DENND4C: variants seen among roughly 807,000 people sequenced by gnomAD.
The protein encoded by DENND4C is DENN domain containing 4C.
Under a neutral mutation model 203.0 loss-of-function variants are expected in DENND4C, and 108 were observed. The observed-to-expected ratio is 0.53, with a 90% CI of 0.46 to 0.62. The LOEUF (loss-of-function observed/expected upper bound fraction) is 0.62. DENND4C is among the 20% of genes least tolerant of loss of function. The pLI, the probability that DENND4C is intolerant of heterozygous loss-of-function variation, is 0.00. For missense variants in DENND4C, 2,481 were observed against 2,301.2 expected (o/e 1.08, Z -1.60); for synonymous variants, 871 against 792.4 (o/e 1.10, Z -1.67).
intron 1 of DENND4C, among the ~76,000 whole-genome samples, chr9:19,268,448 T>G (rs1830958190): frequency 6.6e-6 from 1 of 152,198 alleles, no homozygotes; most frequent in Non-Finnish European, 1.5e-5. Context: ...CTGTTTGAGA[T>G]ATGAGTAGTT....
chr9:19,280,347 A>T (rs1833806658), intron 2 of DENND4C, among the ~76,000 whole-genome samples: 1 of 152,070 alleles, frequency 6.6e-6, no homozygotes, highest in Non-Finnish European at 1.5e-5. Flanking sequence ...GGGTTTCACC[A>T]TGTTGGCCAG....
intron 20 of DENND4C, among the ~76,000 whole-genome samples, chr9:19,338,279 AT>A (rs1820922609): frequency 1.3e-5 from 2 of 152,240 alleles, no homozygotes; most frequent in Admixed American, 6.5e-5. Flanking sequence ...AAAAAAATAT[AT>A]TTTTTTGTAT....
chr9:19,255,934 C>A (rs1294603425), intron 1 of DENND4C, among the ~76,000 whole-genome samples: 1 of 152,112 alleles, frequency 6.6e-6, no homozygotes, highest in African/African-American at 2.4e-5. Flanking sequence ...ATGGAATATT[C>A]ATCAAGACAG....
intron 17 of DENND4C, among the ~76,000 whole-genome samples, chr9:19,332,765 ATTTTTT>A (rs35052178): frequency 1.8e-5 from 2 of 110,496 alleles, no homozygotes; most frequent in African/African-American, 6.7e-5. Flanking sequence ...TCTGTTTTTG[ATTTTTT>A]TTTTTTTTTT....
intron 1 of DENND4C, among the ~76,000 whole-genome samples, chr9:19,253,562 A>G (rs1250120704): frequency 3.3e-5 from 5 of 152,268 alleles, no homozygotes; most frequent in Admixed American, 6.5e-5. Flanking sequence ...GCTTAAATGT[A>G]GCAAATAGCT....
intron 30 of DENND4C, among the ~76,000 whole-genome samples, chr9:19,369,278 A>G (rs1828304225): frequency 6.6e-6 from 1 of 152,206 alleles, no homozygotes; most frequent in Non-Finnish European, 1.5e-5. Context: ...CTGGAGTACA[A>G]GCTATCACAT....
At chr9:19,365,473 T>C (rs1243867515) in intron 30 of DENND4C, among the ~76,000 whole-genome samples, 1 of 152,164 alleles carries the variant, frequency 6.6e-6, no homozygotes, top group African/African-American at 2.4e-5. Context: ...TAAGTACAAG[T>C]GTAAGACAAG....
At chr9:19,249,086 C>G (rs565787366) in intron 1 of DENND4C, among the ~76,000 whole-genome samples, 17 of 151,550 alleles carry the variant, frequency 1.1e-4, no homozygotes, top group Admixed American at 6.6e-4. Flanking sequence ...CCACCATGCC[C>G]GGCCACACAG....
At chr9:19,315,312 T>C (rs988685910) in intron 10 of DENND4C, among the ~76,000 whole-genome samples, 2 of 152,048 alleles carry the variant, frequency 1.3e-5, no homozygotes, top group East Asian at 1.9e-4. Flanking sequence ...TCTGTTAATC[T>C]TCAGGGCAGA....
intron 15 of DENND4C, 26 bp downstream of exon 15, chr9:19,326,220 A>C (rs775644102): frequency 1.9e-6 from 3 of 1,591,406 alleles, no homozygotes; most frequent in Middle Eastern, 1.7e-4. Flanking sequence ...AAAAGAGCTT[A>C]ATGGCACAGC....
intron 1 of DENND4C, among the ~76,000 whole-genome samples, chr9:19,270,352 G>A (rs138754147): frequency 1.6e-3 from 237 of 152,254 alleles, no homozygotes; most frequent in African/African-American, 5.2e-3. Context: ...CAGGGTGGAG[G>A]GTTCCCTTTT....
rs573148413 is a variant in DENND4C at position 19,305,320 on chromosome 9, A to C, written c.1312-32A>C. ...ATATATTTTTTATTGCAAATTTAAA[A>C]TTTGGTTAATTTTTTAAAACTTTTT... On this transcript the variant is annotated intron_variant, in intron 9 of 32. Transcript: ENST00000434457. 22 of 1,566,586 alleles carry C rather than the reference A, an allele frequency of 1.4e-5. No homozygotes were observed. The African/African-American group carries it at 2.7e-4, about 19-fold the overall frequency.
intron 27 of DENND4C, 138 bp downstream of exon 27, chr9:19,357,292 G>A: frequency 1.4e-6 from 1 of 713,338 alleles, no homozygotes; most frequent in Non-Finnish European, 2.3e-6. Flanking sequence ...TTACCACATA[G>A]TGTTTAACGA....
intron 12 of DENND4C, among the ~76,000 whole-genome samples, chr9:19,320,495 G>A (rs372652774): frequency 1.3e-5 from 2 of 152,120 alleles, no homozygotes; most frequent in Admixed American, 6.6e-5. Flanking sequence ...CACTGCGCTC[G>A]GCCCACATCT....
chr9:19,262,464 G>A (rs1274227406), intron 1 of DENND4C, among the ~76,000 whole-genome samples: 2 of 125,916 alleles, frequency 1.6e-5, no homozygotes, highest in Non-Finnish European at 3.3e-5. Context: ...TTTTTTTTGA[G>A]ACAGTCACCC....
chr9:19,368,705 CAGG>C (rs1467347057), intron 30 of DENND4C, among the ~76,000 whole-genome samples: 3 of 152,112 alleles, frequency 2.0e-5, no homozygotes, highest in African/African-American at 7.2e-5. Flanking sequence ...GAGGCTGAAG[CAGG>C]AGGATTGCTT....
chr9:19,258,037 G>A (rs1828411513), intron 1 of DENND4C, among the ~76,000 whole-genome samples: 3 of 152,078 alleles, frequency 2.0e-5, no homozygotes, highest in Non-Finnish European at 2.9e-5. Flanking sequence ...AGGAACACTT[G>A]AGCCTGGGAG....
chr9:19,281,398 T>C (rs1588833238), intron 2 of DENND4C, among the ~76,000 whole-genome samples: 1 of 152,272 alleles, frequency 6.6e-6, no homozygotes, highest in African/African-American at 2.4e-5. Flanking sequence ...TTCCCCCCAC[T>C]CTTTCCTCAC....
chr9:19,347,196 G>C, intron 23 of DENND4C, 110 bp downstream of exon 23: 1 of 1,145,984 alleles, frequency 8.7e-7, no homozygotes, highest in Admixed American at 2.8e-5. Context: ...CTGGAGTACA[G>C]TGGCATGATT....
Sources: gnomAD v4.1 joint callset for allele counts (sites outside exome capture counted in the v4.1 genomes callset) on GRCh38, gnomAD v4.1.1 for gene constraint, MANE v1.5 for transcripts, NCBI Gene and HGNC (gene_info 2026-07-23, HGNC 2026-07-21) for gene names.